The following VWF variants were observed in gnomAD, a reference collection of about 807,000 sequenced individuals.
The protein encoded by VWF is Factor VIII related antigen.
VWF carries 176 observed loss-of-function variants against 308.6 expected under a neutral mutation model. The observed-to-expected ratio is 0.57, with a 90% CI of 0.50 to 0.65. The LOEUF (loss-of-function observed/expected upper bound fraction) is 0.65. Among genes scored for constraint, VWF ranks in the 30% least tolerant of loss-of-function variants. The probability of loss-of-function intolerance (pLI) is 0.00; values close to 1 mark genes in which losing one functional copy is unlikely to be tolerated. For synonymous variants in VWF, 1,385 were observed against 1,443.4 expected (o/e 0.96, Z 0.92); for missense variants, 3,146 against 3,648.2 (o/e 0.86, Z 3.55).
intron 51 of VWF, 77 bp from the exon 52 acceptor site, chr12:5,949,280 G>A: frequency 1.3e-6 from 2 of 1,489,652 alleles, no homozygotes; most frequent in South Asian, 2.3e-5. Context: ...GGGGCAGCCT[G>A]CTTTCTCCCT....
intron 48 of VWF, 151 bp downstream of exon 48, chr12:5,953,345 G>C: frequency 1.5e-6 from 1 of 661,650 alleles, no homozygotes; most frequent in Non-Finnish European, 2.7e-6. Flanking sequence ...CCTGCAATAA[G>C]TCATCTATCT....
chr12:5,973,444 G>A (rs1943498923), intron 43 of VWF, among the ~76,000 whole-genome samples: 1 of 152,210 alleles, frequency 6.6e-6, no homozygotes, highest in African/African-American at 2.4e-5. Flanking sequence ...TGCTATAACT[G>A]AAATGGAGGT....
intron 38 of VWF, among the ~76,000 whole-genome samples, chr12:5,987,819 C>T (rs1428702302): frequency 1.3e-5 from 2 of 152,074 alleles, no homozygotes; most frequent in Non-Finnish European, 2.9e-5. Context: ...AGAAAGCAGA[C>T]CAGTAGTTGT....
At chr12:6,004,338 T>C (rs896557329) in intron 34 of VWF, among the ~76,000 whole-genome samples, 5 of 152,090 alleles carry the variant, frequency 3.3e-5, no homozygotes, top group African/African-American at 9.7e-5. Context: ...ATTATCTCCA[T>C]AGATGCTGAA....
intron 42 of VWF, among the ~76,000 whole-genome samples, chr12:5,980,020 G>A (rs1432325728): frequency 9.8e-5 from 14 of 142,440 alleles, no homozygotes; most frequent in African/African-American, 2.9e-4. Flanking sequence ...CAGCCTGGGC[G>A]ACAGAGCGAG....
At chr12:5,965,728 C>T (rs77641314) in intron 47 of VWF, among the ~76,000 whole-genome samples, 1 of 152,162 alleles carries the variant, frequency 6.6e-6, no homozygotes, top group Non-Finnish European at 1.5e-5. Context: ...ACAGCTACCC[C>T]CAACCCAGGA....
chr12:6,110,701 G>A, intron 4 of VWF, 119 bp from the exon 5 acceptor site: 1 of 1,328,776 alleles, frequency 7.5e-7, no homozygotes, highest in South Asian at 1.2e-5. Context: ...AGTGGCTGAG[G>A]ACCTAGATCA....
chr12:5,974,942 T>C (rs1943517069), intron 43 of VWF, among the ~76,000 whole-genome samples: 1 of 152,158 alleles, frequency 6.6e-6, no homozygotes, highest in Non-Finnish European at 1.5e-5. Context: ...AAACACGAAA[T>C]ATATTGGTTG....
Position 6,065,724 on chromosome 12 carries a change from T to C in VWF, c.1157-451A>G, listed in dbSNP as rs141899909. 7.6e-3 allele frequency among the ~76,000 whole-genome samples: 1,151 copies of C among 152,232 alleles called. 16 individuals are homozygous for C. Among genetic ancestry groups the C allele is most frequent in the African/African-American group, 0.026 (1,063 of 41,560 alleles). ...CCAATAGCACAGGGTTCTCTGAACC[T>C]GAGTGTGGAGAGGCTCTGGGAAACA... On this transcript the variant is annotated intron_variant, in intron 10 of 51. Coordinates refer to ENST00000261405, the MANE Select transcript of VWF (RefSeq NM_000552.5).
At chr12:5,979,608 G>T (rs1943571331) in intron 42 of VWF, among the ~76,000 whole-genome samples, 1 of 151,618 alleles carries the variant, frequency 6.6e-6, no homozygotes, top group African/African-American at 2.4e-5. Context: ...AAATTAGCTG[G>T]GTGTGGTGGT....
rs370955445 is a variant in VWF, at chr12:5,985,025, C to A, written c.6976+20G>T. 1.9e-6 allele frequency: 3 copies of A among 1,613,510 alleles called. No homozygotes were observed. Among genetic ancestry groups the A allele is most frequent in the African/African-American group, 1.3e-5 (1 of 74,914 alleles). ...GGCTAGGGTTGGGCCCTGGAGACAT[C>A]CCCCTGGTGGGACACATACCACACT... On this transcript the variant is annotated intron_variant, in intron 40 of 51. Transcript: ENST00000261405.
intron 6 of VWF, among the ~76,000 whole-genome samples, chr12:6,078,986 C>T (rs1157351954): frequency 6.6e-6 from 1 of 152,216 alleles, no homozygotes; most frequent in Non-Finnish European, 1.5e-5. Context: ...TCTGCAGAAA[C>T]AGCCACCTCC....
intron 45 of VWF, among the ~76,000 whole-genome samples, chr12:5,968,479 G>A (rs183711534): frequency 2.6e-5 from 4 of 152,262 alleles, no homozygotes; most frequent in East Asian, 1.9e-4. Context: ...ACAATGAAAC[G>A]CTACTCTTGA....
chr12:5,996,436 G>A (rs1202979495), intron 34 of VWF, among the ~76,000 whole-genome samples: 1 of 152,100 alleles, frequency 6.6e-6, no homozygotes, highest in East Asian at 1.9e-4. Flanking sequence ...GTAACACTTG[G>A]CCATTAAATA....
intron 15 of VWF, among the ~76,000 whole-genome samples, chr12:6,055,567 C>T (rs905310426): frequency 3.9e-5 from 6 of 152,066 alleles, no homozygotes; most frequent in Non-Finnish European, 8.8e-5. Flanking sequence ...TTCGTCCTTA[C>T]TGTTGTCTCT....
At position 6,012,572 on chromosome 12, in the gene VWF, G is replaced by T. The variant is rs372874129; in HGVS notation, c.5621-442C>A. Among the ~76,000 whole-genome samples the T allele has an allele frequency of 3.9e-5, 6 of 152,194 alleles. No individual in the cohort carries two copies. In the South Asian group the frequency reaches 8.3e-4, roughly 21 times the overall value. ...TTGCATAGAGTTATTGCCCTTTAAG[G>T]GCAAACTTGCATTGACTTATTCCCC... On this transcript the variant is annotated intron_variant, in intron 32 of 51. Transcript: ENST00000261405.
chr12:6,044,217 G>T, intron 18 of VWF, 74 bp downstream of exon 18: 2 of 1,580,094 alleles, frequency 1.3e-6, no homozygotes, highest in Non-Finnish European at 8.6e-7. Flanking sequence ...CTCTCTGGCT[G>T]CACAGCCCCC....
At chr12:6,008,045 G>A (rs216812) in intron 34 of VWF, among the ~76,000 whole-genome samples, 45,423 of 151,930 alleles carry the variant, frequency 0.3, 6,926 homozygotes, top group South Asian at 0.39. Flanking sequence ...GATGAAATTA[G>A]TAATCATAAT....
intron 22 of VWF, among the ~76,000 whole-genome samples, chr12:6,028,685 A>AAATCTT (rs1385624154): frequency 6.6e-6 from 1 of 152,192 alleles, no homozygotes; most frequent in African/African-American, 2.4e-5. Context: ...AAGAGAAATA[A>AAATCTT]AATCCTTTAC....
Sources: gnomAD v4.1 joint callset for allele counts (sites outside exome capture counted in the v4.1 genomes callset) on GRCh38, gnomAD v4.1.1 for gene constraint, MANE v1.5 for transcripts, NCBI Gene and HGNC (gene_info 2026-07-23, HGNC 2026-07-21) for gene names.